TCF4: variants seen among roughly 807,000 people sequenced by gnomAD.
TCF4 encodes transcription factor 4.
TCF4 carries 3 observed loss-of-function variants against 82.1 expected under a neutral mutation model. The ratio of observed to expected loss-of-function variants is 0.04; its 90% CI spans 0.02 to 0.09. The LOEUF (loss-of-function observed/expected upper bound fraction) is 0.09, where lower values mean the gene tolerates loss of function less well. Among genes scored for constraint, TCF4 ranks in the 10% least tolerant of loss-of-function variants. The probability of loss-of-function intolerance (pLI) is 1.00; values close to 1 mark genes in which losing one functional copy is unlikely to be tolerated. For missense variants in TCF4, 518 were observed against 852.7 expected, an observed-to-expected ratio of 0.61 and a Z score of 4.89; for synonymous variants, 276 against 309.6, an observed-to-expected ratio of 0.89 and a Z score of 1.14.
intron 5 of TCF4, among the ~76,000 whole-genome samples, chr18:55,446,045 A>G (rs2095519295): frequency 2.0e-5 from 3 of 152,166 alleles, no homozygotes; most frequent in African/African-American, 7.2e-5. Flanking sequence ...AATCCTGCTC[A>G]AGGCCACCAG....
chr18:55,237,315 T>C (rs1228266687), intron 15 of TCF4, among the ~76,000 whole-genome samples: 1 of 152,194 alleles, frequency 6.6e-6, no homozygotes, highest in Non-Finnish European at 1.5e-5. Context: ...CTCTTAAATA[T>C]TATAAATATA....
chr18:55,574,276 A>G (rs751159530), intron 3 of TCF4, among the ~76,000 whole-genome samples: 2 of 152,240 alleles, frequency 1.3e-5, no homozygotes, highest in Admixed American at 6.5e-5. Context: ...ACTTGGTTAT[A>G]TTTGAAAAGT....
intron 3 of TCF4, among the ~76,000 whole-genome samples, chr18:55,470,042 G>A (rs904943835): frequency 1.3e-5 from 2 of 152,128 alleles, no homozygotes; most frequent in African/African-American, 2.4e-5. Flanking sequence ...AAAATGTAAT[G>A]GCCTCTTGAG....
At chr18:55,348,842 T>C (rs1196439998) in intron 8 of TCF4, among the ~76,000 whole-genome samples, 1 of 152,160 alleles carries the variant, frequency 6.6e-6, no homozygotes, top group East Asian at 1.9e-4. Context: ...GGACAGTTAT[T>C]CCATTGTTTC....
rs144324200 is a variant in TCF4, at chr18:55,349,721, C to A, written c.549+638G>T. 9.7e-4 allele frequency among the ~76,000 whole-genome samples: 146 copies of A among 151,282 alleles called. No homozygotes were observed. In the East Asian group the frequency reaches 0.029, roughly 30 times the overall value. ...GATATCATGTATTGAGTTGTGATCA[C>A]AACCAACTTTTGCTGTACTAGGGAC... is the stretch of plus-strand genomic sequence containing the variant. On this transcript the variant is annotated intron_variant, in intron 8 of 19. Coordinates refer to ENST00000354452, the MANE Select transcript of TCF4 (RefSeq NM_001083962.2).
chr18:55,422,206 G>A (rs1240653080), intron 5 of TCF4: 8 of 980,016 alleles, frequency 8.2e-6, no homozygotes, highest in East Asian at 2.4e-4. Context: ...TGGGTAGCAC[G>A]CCGAGGGAGG....
intron 3 of TCF4, among the ~76,000 whole-genome samples, chr18:55,479,463 C>A (rs76881744): frequency 1.3e-5 from 2 of 152,188 alleles, no homozygotes; most frequent in East Asian, 1.9e-4. Context: ...TCTTTCTGCC[C>A]GTGACCACCT....
chr18:55,434,055 T>C (rs532694862), intron 5 of TCF4, among the ~76,000 whole-genome samples: 1 of 152,294 alleles, frequency 6.6e-6, no homozygotes, highest in South Asian at 2.1e-4. Flanking sequence ...TTCAAATGCT[T>C]GTCATACACA....
chr18:55,588,508 T>G, upstream of TCF4: 1 of 1,535,160 alleles, frequency 6.5e-7, no homozygotes, highest in Non-Finnish European at 8.7e-7. Flanking sequence ...ATCTGAAGCC[T>G]GAACAGTTCA....
chr18:55,504,622 T>C (rs1358988659), intron 3 of TCF4, among the ~76,000 whole-genome samples: 5 of 152,330 alleles, frequency 3.3e-5, no homozygotes, highest in South Asian at 2.1e-4. Flanking sequence ...TTGCCGAACA[T>C]TGGTATCAAT....
At chr18:55,260,198 T>A (rs2057742824) in intron 12 of TCF4, among the ~76,000 whole-genome samples, 171 bp from the exon 13 acceptor site, 1 of 152,212 alleles carries the variant, frequency 6.6e-6, no homozygotes, top group Non-Finnish European at 1.5e-5. Context: ...ACAATTATTT[T>A]AATTTTTCAA....
intron 6 of TCF4, among the ~76,000 whole-genome samples, chr18:55,360,394 G>A (rs186150374): frequency 9.8e-5 from 15 of 152,290 alleles, no homozygotes; most frequent in African/African-American, 3.6e-4. Context: ...TTCATAGGAA[G>A]TGATATGGCC....
At chr18:55,402,329 T>G (rs1175040092) in intron 6 of TCF4, 17 of 605,360 alleles carry the variant, frequency 2.8e-5, no homozygotes, top group Non-Finnish European at 3.3e-5. Flanking sequence ...AAAGGAAACT[T>G]TCCTCATAGG....
intron 2 of TCF4, among the ~76,000 whole-genome samples, chr18:55,613,364 T>C (rs1446562143): frequency 6.6e-5 from 10 of 152,192 alleles, no homozygotes; most frequent in Non-Finnish European, 1.5e-4. Context: ...ACATATGGAA[T>C]CATACAGTGT....
chr18:55,603,949 G>A (rs938919738), intron 2 of TCF4, among the ~76,000 whole-genome samples: 14 of 152,110 alleles, frequency 9.2e-5, no homozygotes, highest in Non-Finnish European at 2.9e-5. Flanking sequence ...GAACTGCTGT[G>A]ACAGATCCTC....
rs1193498731 is a variant in TCF4 at position 55,454,054 on chromosome 18, G to C, written c.304+6965C>G. Among the ~76,000 whole-genome samples, 3 of 151,982 alleles carry C rather than the reference G, an allele frequency of 2.0e-5. No individual in the cohort carries two copies. The East Asian group carries it at 5.8e-4, about 29-fold the overall frequency. ...ATTTTTTTATTATCTGTAGAAACAG[G>C]ATCTCGCTATGTTGCCCAGGCTGGT... is the stretch of plus-strand genomic sequence containing the variant. On this transcript the variant is annotated intron_variant, in intron 5 of 19. Coordinates refer to ENST00000354452, the MANE Select transcript of TCF4 (RefSeq NM_001083962.2).
chr18:55,318,757 C>T (rs1173068364), intron 8 of TCF4, among the ~76,000 whole-genome samples: 3 of 151,956 alleles, frequency 2.0e-5, no homozygotes, highest in South Asian at 2.1e-4. Context: ...AAAAAATTCA[C>T]GTTTTTTTCG....
rs1474917865 is a variant in TCF4 at position 55,350,886 on chromosome 18, T to C, written c.487A>G (p.Ser163Gly). The change falls in exon 7 of 20, where the codon AGT (serine) becomes GGT (glycine). Residue 163 changes from serine (S) to glycine (G), a missense_variant. Coordinates refer to ENST00000354452, the MANE Select transcript of TCF4 (RefSeq NM_001083962.2). Reference protein sequence around the residue: ...SNNPRRRPLHSSAMEVQTKKV... With the variant: ...SNNPRRRPLHGSAMEVQTKKV... ...AGGAATACCTTACCCATGGCACTAC[T>C]GTGAAGAGGCCTCCTTCGGGGATTA... 6.2e-7 allele frequency: 1 copy of C among 1,613,352 alleles called. No homozygotes were observed. The highest frequency in any genetic ancestry group is 8.5e-7 in the Non-Finnish European group (1 of 1,179,520).
At chr18:55,401,797 C>A in intron 6 of TCF4, 1 of 985,618 alleles carries the variant, frequency 1.0e-6, no homozygotes, top group African/African-American at 1.7e-5. Flanking sequence ...AGAAAGGATA[C>A]AGGGGTGAGG....
Sources: gnomAD v4.1 joint callset for allele counts (sites outside exome capture counted in the v4.1 genomes callset) on GRCh38, gnomAD v4.1.1 for gene constraint, MANE v1.5 for transcripts, NCBI Gene and HGNC (gene_info 2026-07-23, HGNC 2026-07-21) for gene names.